The following ARHGEF10 variants were observed in gnomAD, a reference collection of about 807,000 sequenced individuals.
ARHGEF10 encodes the protein Rho guanine nucleotide exchange factor 10.
ARHGEF10 carries 140 observed loss-of-function variants against 147.4 expected under a neutral mutation model. The observed-to-expected ratio is 0.95, with a 90% CI of 0.83 to 1.09. ARHGEF10 has a LOEUF of 1.09. ARHGEF10 is among the 50% of genes least tolerant of loss of function. The pLI is 0.00. For missense variants in ARHGEF10, 2,222 were observed against 1,752.7 expected (o/e 1.27, Z -4.78); for synonymous variants, 902 against 695.8 (o/e 1.30, Z -4.67).
chr8:1,832,939 GAAGCAGAGAC>G (rs1803289669), intron 1 of ARHGEF10, among the ~76,000 whole-genome samples: 1 of 53,286 alleles, frequency 1.9e-5, no homozygotes, highest in Non-Finnish European at 4.0e-5. Context: ...GGCAGAGACA[GAAGCAGAGAC>G]AGAGGCAGAG....
At chr8:1,844,395 G>GACGACAGAGACGGGAGA (rs1804353047) in intron 2 of ARHGEF10, among the ~76,000 whole-genome samples, 2 of 152,192 alleles carry the variant, frequency 1.3e-5, no homozygotes, top group Admixed American at 6.5e-5. Flanking sequence ...GGGCCTGGTA[G>GACGACAGAGACGGGAGA]ATGACAGAGA....
Position 1,869,508 on chromosome 8 carries a change from C to T in ARHGEF10, c.679+258C>T, listed in dbSNP as rs985088335. On this transcript the variant is annotated intron_variant, in intron 7 of 28. Transcript: ENST00000349830. The stretch of plus-strand genomic sequence containing the variant: ...AGAGGAGTAAAGGTACAGAAAATGC[C>T]GGCAAAGAGGTAGGAAACACAGAGG... 44 of 602,890 alleles carry T rather than the reference C, an allele frequency of 7.3e-5. No individual in the cohort carries two copies. In the Admixed American group the frequency reaches 1.1e-3, roughly 15 times the overall value. 37.3% of individuals were successfully genotyped at this position (602,890 alleles called of 1,614,324 possible).
rs1467786699 is a variant in ARHGEF10, at chr8:1,888,315, G to A, written c.1182+2608G>A. On this transcript the variant is annotated intron_variant, in intron 11 of 28. Transcript: ENST00000349830. Reference sequence around the variant, plus strand: ...GTGGGGTGAGGGTTTGTGAGGATATGCTGAGTGGGATGTTGACTGTGAGGA... The same window carrying A: ...GTGGGGTGAGGGTTTGTGAGGATATACTGAGTGGGATGTTGACTGTGAGGA... 2.5e-4 allele frequency among the ~76,000 whole-genome samples: 14 copies of A among 56,890 alleles called. 3 individuals carry two copies. Among genetic ancestry groups the A allele is most frequent in the African/African-American group, 9.7e-4 (13 of 13,358 alleles). 37.3% of individuals were successfully genotyped at this position (56,890 alleles called of 152,430 possible).
chr8:1,847,722 G>C (rs1277512123), intron 2 of ARHGEF10, among the ~76,000 whole-genome samples: 1 of 152,160 alleles, frequency 6.6e-6, no homozygotes, highest in African/African-American at 2.4e-5. Context: ...GGCTGAAGCT[G>C]TTTGCAGCCT....
At chr8:1,833,691 C>G (rs1248822908) in intron 1 of ARHGEF10, among the ~76,000 whole-genome samples, 1 of 152,238 alleles carries the variant, frequency 6.6e-6, no homozygotes, top group Non-Finnish European at 1.5e-5. Context: ...CTGCTGCCCT[C>G]ATGCCCGGCC....
intron 1 of ARHGEF10, among the ~76,000 whole-genome samples, chr8:1,826,460 T>C (rs1219524770): frequency 6.6e-6 from 1 of 151,948 alleles, no homozygotes; most frequent in Non-Finnish European, 1.5e-5. Flanking sequence ...GTGTGAGTTG[T>C]AGATAGAGGC....
intron 2 of ARHGEF10, 146 bp downstream of exon 2, chr8:1,843,582 G>T (rs772675527): frequency 2.8e-6 from 2 of 710,684 alleles, no homozygotes; most frequent in Non-Finnish European, 5.0e-6. Context: ...AGGTTCTGAC[G>T]TGAGCCTGGG....
rs149529003 is a variant in ARHGEF10, at chr8:1,876,815, C to G, written c.843+81C>G. The G allele has an allele frequency of 6.1e-6, 9 of 1,464,150 alleles. No homozygotes were observed. The South Asian group carries it at 9.1e-5, about 15-fold the overall frequency. The allele number at this position is 1,464,150 out of a possible 1,614,324, so 90.7% of individuals were successfully genotyped here. ...GGCTGTGAATATGATTGTGATCCAC[C>G]TAGTACTTCATAGTGATTTGTTAAG... On this transcript the variant is annotated intron_variant, in intron 8 of 28. Coordinates refer to ENST00000349830, the MANE Select transcript of ARHGEF10 (RefSeq NM_014629.4).
intron 1 of ARHGEF10, among the ~76,000 whole-genome samples, chr8:1,831,504 G>A (rs532396549): frequency 6.8e-6 from 1 of 146,746 alleles, no homozygotes; most frequent in Non-Finnish European, 1.5e-5. Flanking sequence ...TGTGACGGCC[G>A]TGGAGGGACA....
At chr8:1,896,200 A>G (rs1809957060) in intron 13 of ARHGEF10, 133 bp from the exon 14 acceptor site, 1 of 825,162 alleles carries the variant, frequency 1.2e-6, no homozygotes. Flanking sequence ...CAGTCATAAT[A>G]AAGTTTATCT....
chr8:1,923,078 A>G lies in ARHGEF10; in HGVS notation c.2258A>G (p.Gln753Arg), dbSNP rs1312442647. ...QLIGNLKGNY[Q>R]NLNQSVAHDW... ...ATAGGAAACCTTAAAGGAAACTATC[A>G]GGTAACAATTGAAGCAATTGGATTT... Residue 753 changes from glutamine (Q) to arginine (R), a missense_variant and splice_region_variant, in exon 19 of 29, where the codon CAG (glutamine) becomes CGG (arginine). Coordinates refer to ENST00000349830, the MANE Select transcript of ARHGEF10 (RefSeq NM_014629.4). 6 of 1,594,618 alleles carry G rather than the reference A, an allele frequency of 3.8e-6. No individual in the cohort carries two copies. The highest frequency in any genetic ancestry group is 1.3e-5 in the African/African-American group (1 of 74,534).
At chr8:1,924,204 G>A (rs1411520701) in intron 21 of ARHGEF10, among the ~76,000 whole-genome samples, 2 of 152,060 alleles carry the variant, frequency 1.3e-5, no homozygotes, top group East Asian at 1.9e-4. Context: ...GGCGGGCGGC[G>A]GCCTTCAAAT....
intron 28 of ARHGEF10, among the ~76,000 whole-genome samples, chr8:1,955,950 G>A (rs1815530087): frequency 6.6e-6 from 1 of 152,222 alleles, no homozygotes; most frequent in African/African-American, 2.4e-5. Context: ...TCCTCTTTGG[G>A]AAATGGACTC....
At chr8:1,844,422 TC>T (rs1804359144) in intron 2 of ARHGEF10, among the ~76,000 whole-genome samples, 1 of 151,922 alleles carries the variant, frequency 6.6e-6, no homozygotes, top group Non-Finnish European at 1.5e-5. Flanking sequence ...AATCCAGGGG[TC>T]ACCGGGGCCT....
Position 1,948,957 on chromosome 8 carries a change from C to T in ARHGEF10, c.3397+3302C>T, listed in dbSNP as rs568727078. Among the ~76,000 whole-genome samples, 5 of 152,130 alleles carry T rather than the reference C, an allele frequency of 3.3e-5. No individual in the cohort carries two copies. Among genetic ancestry groups the T allele is most frequent in the East Asian group, 3.9e-4 (2 of 5,168 alleles). On this transcript the variant is annotated intron_variant, in intron 27 of 28. Coordinates refer to ENST00000349830, the MANE Select transcript of ARHGEF10 (RefSeq NM_014629.4). The surrounding 1 kb of genome is among the most constrained non-coding windows in gnomAD (Gnocchi z 4.9). ...CCACACATGTCCTCTGTGCTCTGTT[C>T]GCACACACACAAAACCTTCATTCTA...
intron 1 of ARHGEF10, among the ~76,000 whole-genome samples, chr8:1,837,784 C>T (rs997755255): frequency 2.0e-5 from 3 of 152,194 alleles, no homozygotes; most frequent in African/African-American, 7.2e-5. Flanking sequence ...TGCCTGGCTC[C>T]TCGGCTGCGT....
chr8:1,894,301 G>C (rs901952085), intron 12 of ARHGEF10, 92 bp from the exon 13 acceptor site: 1 of 1,363,946 alleles, frequency 7.3e-7, no homozygotes, highest in African/African-American at 1.4e-5. Context: ...AGTGAGCCAT[G>C]ATCGCACCAC....
chr8:1,936,685 A>G lies in ARHGEF10; in HGVS notation c.3222+2743A>G, dbSNP rs117979482. ...GCTTCTAAAAATACTTCTCTAGACC[A>G]TCGTTAGGAGGGATGTATCAGTTCC... On this transcript the variant is annotated intron_variant, in intron 26 of 28. Coordinates refer to ENST00000349830, the MANE Select transcript of ARHGEF10 (RefSeq NM_014629.4). Among the ~76,000 whole-genome samples the G allele has an allele frequency of 6.4e-4, 98 of 152,326 alleles. 1 individual carries two copies. In the East Asian group the frequency reaches 0.016, roughly 25 times the overall value.
chr8:1,951,716 C>A (rs1330195222), intron 27 of ARHGEF10, among the ~76,000 whole-genome samples: 1 of 152,228 alleles, frequency 6.6e-6, no homozygotes, highest in Admixed American at 6.5e-5. Context: ...CTACTGTGCT[C>A]CTCAGCTTTG....
Sources: gnomAD v4.1 joint callset for allele counts (sites outside exome capture counted in the v4.1 genomes callset) on GRCh38, gnomAD v4.1.1 for gene constraint, Gnocchi (gnomAD v3.1) non-coding constraint, MANE v1.5 for transcripts, NCBI Gene and HGNC (gene_info 2026-07-23, HGNC 2026-07-21) for gene names.